Variants in TBC1D1 observed in about 807,000 individuals in gnomAD.
TBC1D1 encodes TBC1 (tre-2/USP6, BUB2, cdc16) domain family, member 1.
A neutral mutation model predicts 125.6 loss-of-function variants in TBC1D1; 89 were observed. The ratio of observed to expected loss-of-function variants is 0.71; its 90% CI spans 0.60 to 0.85. TBC1D1 has a LOEUF of 0.85. Ranked by LOEUF, TBC1D1 falls within the 40% of genes least tolerant of loss-of-function variation. TBC1D1 has a pLI of 0.00. For missense variants in TBC1D1, 1,377 were observed against 1,469.2 expected (o/e 0.94, Z 1.03); for synonymous variants, 565 against 564.1 (o/e 1.00, Z -0.02).
intron 12 of TBC1D1, among the ~76,000 whole-genome samples, chr4:38,071,691 T>G (rs1754731574): frequency 6.6e-6 from 1 of 152,242 alleles, no homozygotes; most frequent in South Asian, 2.1e-4. Context: ...GTCTCTGTAG[T>G]CCTTGGCACA....
At chr4:38,134,071 A>G (rs1045423452) in intron 19 of TBC1D1, among the ~76,000 whole-genome samples, 1 of 152,120 alleles carries the variant, frequency 6.6e-6, no homozygotes, top group African/African-American at 2.4e-5. Flanking sequence ...AGTTGTTTTG[A>G]GGGTGTTTTT....
chr4:37,901,540 G>C (rs777146530), intron 1 of TBC1D1, among the ~76,000 whole-genome samples: 11 of 152,192 alleles, frequency 7.2e-5, no homozygotes, highest in Non-Finnish European at 1.5e-4. Context: ...CAGTGTTTAA[G>C]ACAATGTTTG....
intron 19 of TBC1D1, among the ~76,000 whole-genome samples, chr4:38,135,874 G>A (rs66716827): frequency 0.18 from 7,955 of 45,192 alleles, 387 homozygotes; most frequent in East Asian, 0.42. Flanking sequence ...GTATATATAT[G>A]TGTGTGTGTG....
chr4:37,928,581 G>T lies in TBC1D1; in HGVS notation c.417+26069G>T, dbSNP rs371496132. On this transcript the variant is annotated intron_variant, in intron 2 of 19. Transcript: ENST00000261439. ...TCTGGATTGTACTTTCTCTCTTGCC[G>T]CTGTAGCGCAGCCAGCCCTTGCAGT... Among the ~76,000 whole-genome samples, 5 of 152,170 alleles carry T rather than the reference G, an allele frequency of 3.3e-5. No individual in the cohort carries two copies. The East Asian group carries it at 5.8e-4, about 18-fold the overall frequency.
At chr4:38,058,004 T>C (rs1209296768) in intron 12 of TBC1D1, among the ~76,000 whole-genome samples, 1 of 152,212 alleles carries the variant, frequency 6.6e-6, no homozygotes, top group Non-Finnish European at 1.5e-5. Flanking sequence ...GGCATCTGTG[T>C]TGGGCGTGGA....
intron 2 of TBC1D1, chr4:37,960,665 C>G (rs372943159): frequency 1.1e-5 from 18 of 1,614,012 alleles, no homozygotes; most frequent in Middle Eastern, 1.6e-4. Context: ...CAGTAAAGAC[C>G]AATGGACCCA....
chr4:38,015,335 C>T (rs1263279075), intron 3 of TBC1D1, among the ~76,000 whole-genome samples: 1 of 152,190 alleles, frequency 6.6e-6, no homozygotes, highest in East Asian at 1.9e-4. Context: ...AAAACACCCT[C>T]TCTACTATTA....
intron 2 of TBC1D1, among the ~76,000 whole-genome samples, chr4:37,912,465 G>T (rs990159010): frequency 6.6e-6 from 1 of 152,230 alleles, no homozygotes; most frequent in African/African-American, 2.4e-5. Flanking sequence ...AGATAGGAAG[G>T]AAGGGCTAAG....
chr4:38,112,365 A>G (rs536518680), intron 15 of TBC1D1, among the ~76,000 whole-genome samples: 2 of 152,308 alleles, frequency 1.3e-5, no homozygotes, highest in Non-Finnish European at 2.9e-5. Flanking sequence ...AATGTAATTT[A>G]TTTTGCATTT....
At chr4:38,115,012 C>G (rs570849650) in intron 15 of TBC1D1, among the ~76,000 whole-genome samples, 1 of 151,572 alleles carries the variant, frequency 6.6e-6, no homozygotes, top group South Asian at 2.1e-4. Context: ...GGGGTGGGTG[C>G]AGGGTGCAGC....
Position 37,903,295 on chromosome 4 carries a change from G to C in TBC1D1, c.417+783G>C, listed in dbSNP as rs546833685. Among the ~76,000 whole-genome samples the C allele has an allele frequency of 4.6e-4, 70 of 152,246 alleles. 1 individual carries two copies. Among genetic ancestry groups the C allele is most frequent in the African/African-American group, 1.5e-3 (63 of 41,544 alleles). ...GTTATTAGCATTCGTTGTAGCTCTG[G>C]GCAGGACTCATTTGAAGATGCTTGC... On this transcript the variant is annotated intron_variant, in intron 2 of 19. Transcript: ENST00000261439.
At chr4:38,012,323 C>G (rs1741678382) in intron 2 of TBC1D1, among the ~76,000 whole-genome samples, 1 of 152,190 alleles carries the variant, frequency 6.6e-6, no homozygotes, top group African/African-American at 2.4e-5. Context: ...CTCAGTCACC[C>G]AGGCTGGAGT....
rs1191828905 is a variant in TBC1D1 at position 38,014,568 on chromosome 4, G to GCACT, written c.478_481dup (p.Cys161SerfsTer88). The GCACT allele has an allele frequency of 9.9e-6, 16 of 1,613,256 alleles. No homozygotes were observed. The highest frequency in any genetic ancestry group is 1.2e-5 in the Non-Finnish European group (14 of 1,180,046). ...GGAAGATCGCCCGGCAGGAGGAGCTGCACTGCCCGTCCGAGTTCGACGACA... is the reference window on the plus strand; with the variant it reads ...GGAAGATCGCCCGGCAGGAGGAGCTGCACTCACTGCCCGTCCGAGTTCGACGACA... On this transcript the variant is annotated frameshift_variant, in exon 3 of 20. Transcript: ENST00000261439. LOFTEE classifies it high-confidence loss of function. This position sits in a 1 kb window ranked among gnomAD's most constrained non-coding sequence, Gnocchi z 5.1.
intron 2 of TBC1D1, among the ~76,000 whole-genome samples, chr4:37,974,716 C>T (rs925575883): frequency 6.6e-6 from 1 of 152,130 alleles, no homozygotes; most frequent in Non-Finnish European, 1.5e-5. Context: ...TGCCATCACG[C>T]CTGGCTAATT....
At chr4:37,996,339 A>G (rs1737791624) in intron 2 of TBC1D1, 1 of 188,118 alleles carries the variant, frequency 5.3e-6, no homozygotes, top group South Asian at 1.1e-4. Flanking sequence ...AGCAATGAAT[A>G]GTATTGTTAT....
At position 38,049,807 on chromosome 4, in the gene TBC1D1, C is replaced by T. The variant is rs766339856; in HGVS notation, c.1819C>T (p.Pro607Ser). 44 of 1,614,060 alleles carry T rather than the reference C, an allele frequency of 2.7e-5. No individual in the cohort carries two copies. The Middle Eastern group carries it at 6.6e-4, about 24-fold the overall frequency. Residue 607 changes from proline (P) to serine (S), a missense_variant, in exon 11 of 20, where the codon CCT becomes TCT. Physicochemically the swap from Pro to Ser is moderately conservative, Grantham distance 74. Transcript: ENST00000261439. ...TCACTTCCCCATCGAATGCCAGGAA[C>T]CTCCACAACCTGCCCGGGGGTCCCC...
chr4:37,907,682 T>A (rs767435971), intron 2 of TBC1D1, among the ~76,000 whole-genome samples: 1 of 152,202 alleles, frequency 6.6e-6, no homozygotes, highest in Non-Finnish European at 1.5e-5. Context: ...ACATATCCAC[T>A]CTGGAAACTG....
At chr4:37,941,135 T>A (rs1466290898) in intron 2 of TBC1D1, among the ~76,000 whole-genome samples, 1 of 152,242 alleles carries the variant, frequency 6.6e-6, no homozygotes, top group African/African-American at 2.4e-5. Flanking sequence ...AGAATTCGGC[T>A]GTGAATCCAT....
rs912565216 is a variant in TBC1D1, at chr4:38,018,452, A to G, written c.972+9A>G. The G allele has an allele frequency of 6.5e-7, 1 of 1,544,836 alleles. No homozygotes were observed. Among genetic ancestry groups the G allele is most frequent in the Non-Finnish European group, 8.8e-7 (1 of 1,134,872 alleles). On this transcript the variant is annotated intron_variant, in intron 4 of 19. Transcript: ENST00000261439. Reference sequence around the variant, plus strand: ...TATCCTTTTGCTCTCAGGTAAATGGAGATGGGTTTTTTTATTCAATTGCAA... The same window carrying G: ...TATCCTTTTGCTCTCAGGTAAATGGGGATGGGTTTTTTTATTCAATTGCAA...
Sources: allele counts gnomAD v4.1 joint callset (sites outside exome capture counted in the v4.1 genomes callset), GRCh38; gene constraint gnomAD v4.1.1; non-coding constraint Gnocchi (gnomAD v3.1); transcripts MANE v1.5; gene names NCBI Gene and HGNC (gene_info 2026-07-23, HGNC 2026-07-21).